Variants in PXYLP1 observed in about 807,000 individuals in gnomAD.
The protein encoded by PXYLP1 is acid phosphatase-like 2.
A neutral mutation model predicts 37.9 loss-of-function variants in PXYLP1; 17 were observed. That is an observed-to-expected ratio of 0.45 (90% CI 0.31 to 0.67). PXYLP1 has a LOEUF of 0.67. PXYLP1 is among the 30% of genes least tolerant of loss of function. PXYLP1 has a pLI of 0.07. For synonymous variants in PXYLP1, 221 were observed against 232.2 expected (o/e 0.95, Z 0.44); for missense variants, 511 against 612.0 (o/e 0.84, Z 1.74).
rs1388830485 is a variant in PXYLP1 at position 141,292,678 on chromosome 3, G to A, written c.916G>A (p.Val306Ile). ...CATGCTCTGCCACTTCTGCCACAATGTCAGCTTTCCCTGTACCAGAAATGG... is the reference window on the plus strand; with the variant it reads ...CATGCTCTGCCACTTCTGCCACAATATCAGCTTTCCCTGTACCAGAAATGG... ...DSMLCHFCHNVSFPCTRNGCV... is the reference protein window; with the variant it reads ...DSMLCHFCHNISFPCTRNGCV... The change falls in exon 6 of 6, where the codon GTC (valine) becomes ATC (isoleucine). Residue 306 changes from valine to isoleucine, a missense_variant. Physicochemically the swap from Val to Ile is conservative, Grantham distance 29 (BLOSUM62 3). Transcript: ENST00000286353. The surrounding 1 kb of genome is among the most constrained non-coding windows in gnomAD (Gnocchi z 4.3). 1 of 1,613,728 alleles carries A rather than the reference G, an allele frequency of 6.2e-7. No individual in the cohort carries two copies. The highest frequency in any genetic ancestry group is 2.2e-5 in the East Asian group (1 of 44,894).
Position 141,292,943 on chromosome 3 carries a change from C to T in PXYLP1, c.1181C>T (p.Ala394Val). 6.2e-7 allele frequency: 1 copy of T among 1,614,164 alleles called. No individual in the cohort carries two copies. The highest frequency in any genetic ancestry group is 8.5e-7 in the Non-Finnish European group (1 of 1,180,026). Residue 394 changes from alanine (A) to valine (V), a missense_variant, in exon 6 of 6, where the codon GCC becomes GTC. Ala to Val is a moderately conservative substitution (Grantham distance 64). Coordinates refer to ENST00000286353, the MANE Select transcript of PXYLP1 (RefSeq NM_001037172.3). This position sits in a 1 kb window ranked among gnomAD's most constrained non-coding sequence, Gnocchi z 4.3. Reference protein sequence around the residue: ...PVLSALGLSEARFPRFAARLI... With the variant: ...PVLSALGLSEVRFPRFAARLI... Reference sequence around the variant, plus strand: ...CTCAGTGCCTTGGGCCTTTCAGAAGCCAGGTTCCCAAGGTTTGCAGCCAGG... The same window carrying T: ...CTCAGTGCCTTGGGCCTTTCAGAAGTCAGGTTCCCAAGGTTTGCAGCCAGG...
chr3:141,264,065 G>A lies in PXYLP1; in HGVS notation c.79+3811G>A, dbSNP rs534414849. Among the ~76,000 whole-genome samples, 214 of 152,314 alleles carry A rather than the reference G, an allele frequency of 1.4e-3. 1 individual carries two copies. Among genetic ancestry groups the A allele is most frequent in the African/African-American group, 5.0e-3 (206 of 41,558 alleles). ...GGCCATGATGGGGTTAATTTATACT[G>A]AGCACATGGCACCCATATCTGGGGT... On this transcript the variant is annotated intron_variant, in intron 2 of 5. Transcript: ENST00000286353.
At chr3:141,253,424 A>G (rs918283829) in intron 1 of PXYLP1, among the ~76,000 whole-genome samples, 2 of 152,098 alleles carry the variant, frequency 1.3e-5, no homozygotes, top group African/African-American at 4.8e-5. Flanking sequence ...TTCACAACCC[A>G]ATACCTCCCC....
At chr3:141,283,279 G>T (rs1273796731) in intron 4 of PXYLP1, among the ~76,000 whole-genome samples, 3 of 151,976 alleles carry the variant, frequency 2.0e-5, no homozygotes, top group Non-Finnish European at 2.9e-5. Flanking sequence ...ACCCTGCCTG[G>T]CCTAGTCTGT....
In PXYLP1 at chr3:141,248,748, CGT is replaced by C. The variant is rs751773405; in HGVS notation, c.-53-11374_-53-11373del. 1.5e-4 allele frequency among the ~76,000 whole-genome samples: 4 copies of C among 27,314 alleles called. 1 individual carries two copies. The highest frequency in any genetic ancestry group is 1.9e-3 in the East Asian group (1 of 514). 17.9% of individuals were successfully genotyped at this position (27,314 alleles called of 152,430 possible). On this transcript the variant is annotated intron_variant, in intron 1 of 5. Coordinates refer to ENST00000286353, the MANE Select transcript of PXYLP1 (RefSeq NM_001037172.3). ...ATACACACACGTGTATATATACACACGTATATATATACACACACGTGTATATA... is the reference window on the plus strand; with the variant it reads ...ATACACACACGTGTATATATACACACATATATATACACACACGTGTATATA...
intron 2 of PXYLP1, chr3:141,273,085 G>T: frequency 1.0e-6 from 1 of 985,440 alleles, no homozygotes; most frequent in Non-Finnish European, 1.2e-6. Context: ...CCCCGTGCCT[G>T]AGAAGGCTAT....
chr3:141,253,175 G>C (rs1266366985), intron 1 of PXYLP1, among the ~76,000 whole-genome samples: 10 of 152,184 alleles, frequency 6.6e-5, no homozygotes, highest in Admixed American at 5.9e-4. Context: ...GTGAGAATCA[G>C]TGAGTGTGTT....
intron 1 of PXYLP1, among the ~76,000 whole-genome samples, chr3:141,242,069 C>G (rs1940815549): frequency 6.6e-6 from 1 of 152,230 alleles, no homozygotes; most frequent in African/African-American, 2.4e-5. Context: ...TGATGGAGCA[C>G]TTTCTTGGAG....
In PXYLP1 at chr3:141,278,346, C is replaced by T; in HGVS notation, c.84C>T (p.His28=). The T allele has an allele frequency of 2.5e-6, 4 of 1,614,198 alleles. No individual in the cohort carries two copies. The highest frequency in any genetic ancestry group is 2.2e-5 in the South Asian group (2 of 91,084). The change falls in exon 3 of 6, where the codon CAC becomes CAT. Residue 28 remains histidine (H), a synonymous_variant. Coordinates refer to ENST00000286353, the MANE Select transcript of PXYLP1 (RefSeq NM_001037172.3). Reference sequence around the variant, plus strand: ...ACCTGCCTTACTTCGTTTCAGTCCACCTGATCCCGGTGTCGACTCCTAAGA... The same window carrying T: ...ACCTGCCTTACTTCGTTTCAGTCCATCTGATCCCGGTGTCGACTCCTAAGA... The part of the protein sequence containing the change: ...AFVSLSLQFF[H]LIPVSTPKNG...
At position 141,293,010 on chromosome 3, in the gene PXYLP1, A is replaced by C; in HGVS notation, c.1248A>C (p.Glu416Asp). ...ELWQDREKPS[E>D]HSVRILYNGV... ...GGCAAGACAGAGAAAAGCCCAGTGAACATTCCGTCCGGATTCTTTACAATG... is the reference window on the plus strand; with the variant it reads ...GGCAAGACAGAGAAAAGCCCAGTGACCATTCCGTCCGGATTCTTTACAATG... The change falls in exon 6 of 6, where the codon GAA becomes GAC. Residue 416 changes from glutamate (E) to aspartate (D), a missense_variant. Physicochemically the swap from Glu to Asp is conservative, Grantham distance 45. Transcript: ENST00000286353. The C allele has an allele frequency of 6.2e-7, 1 of 1,614,214 alleles. No individual in the cohort carries two copies. Among genetic ancestry groups the C allele is most frequent in the Non-Finnish European group, 8.5e-7 (1 of 1,180,044 alleles).
intron 1 of PXYLP1, among the ~76,000 whole-genome samples, chr3:141,248,576 C>CGTGT (rs1559881408): frequency 2.0e-5 from 2 of 100,712 alleles, no homozygotes; most frequent in Admixed American, 1.0e-4. Context: ...TATATACACA[C>CGTGT]ATGTATATAT....
chr3:141,238,682 C>T (rs1334714905), intron 1 of PXYLP1, among the ~76,000 whole-genome samples: 3 of 151,696 alleles, frequency 2.0e-5, no homozygotes, highest in African/African-American at 7.3e-5. Context: ...ACTTTTAAAT[C>T]CCCAATATTG....
chr3:141,244,186 T>C (rs1940882097), intron 1 of PXYLP1, among the ~76,000 whole-genome samples: 2 of 152,254 alleles, frequency 1.3e-5, no homozygotes, highest in Admixed American at 1.3e-4. Context: ...TTGTTACTTT[T>C]ACAAATAGCA....
At chr3:141,238,630 T>C (rs939815973) in intron 1 of PXYLP1, among the ~76,000 whole-genome samples, 4 of 151,978 alleles carry the variant, frequency 2.6e-5, no homozygotes, top group Admixed American at 2.6e-4. Context: ...GGAGCACTGA[T>C]TCCCCCCACC....
rs765432614 is a variant in PXYLP1, at chr3:141,293,250, A to G, written c.*45A>G. ...TATAGAATCCATGCCAATACAGAGCATAGGGAAAGGTCCACTTCTAGTTTT... is the reference window on the plus strand; with the variant it reads ...TATAGAATCCATGCCAATACAGAGCGTAGGGAAAGGTCCACTTCTAGTTTT... On this transcript the variant is annotated 3_prime_UTR_variant, in exon 6 of 6. Transcript: ENST00000286353. The G allele has an allele frequency of 1.8e-5, 28 of 1,537,138 alleles. No individual in the cohort carries two copies. Among genetic ancestry groups the G allele is most frequent in the Non-Finnish European group, 2.4e-5 (27 of 1,135,494 alleles).
Position 141,292,972 on chromosome 3 carries a change from A to G in PXYLP1, c.1210A>G (p.Ile404Val), listed in dbSNP as rs901343846. The G allele has an allele frequency of 6.2e-7, 1 of 1,614,166 alleles. No individual in the cohort carries two copies. Among genetic ancestry groups the G allele is most frequent in the Non-Finnish European group, 8.5e-7 (1 of 1,180,030 alleles). Reference sequence around the variant, plus strand: ...GTTCCCAAGGTTTGCAGCCAGGTTGATCTTTGAGCTTTGGCAAGACAGAGA... The same window carrying G: ...GTTCCCAAGGTTTGCAGCCAGGTTGGTCTTTGAGCTTTGGCAAGACAGAGA... ...ARFPRFAARL[I>V]FELWQDREKP... Residue 404 changes from isoleucine (I) to valine (V), a missense_variant, in exon 6 of 6, where the codon ATC becomes GTC. Ile to Val is a conservative substitution (Grantham distance 29). Coordinates refer to ENST00000286353, the MANE Select transcript of PXYLP1 (RefSeq NM_001037172.3). The surrounding 1 kb of genome is among the most constrained non-coding windows in gnomAD (Gnocchi z 4.3).
In PXYLP1 at chr3:141,278,328, T is replaced by G; in HGVS notation, c.80-14T>G. Reference sequence around the variant, plus strand: ...CAGGAACTGTGCGTCACAACCTGCCTTACTTCGTTTCAGTCCACCTGATCC... The same window carrying G: ...CAGGAACTGTGCGTCACAACCTGCCGTACTTCGTTTCAGTCCACCTGATCC... On this transcript the variant is annotated splice_polypyrimidine_tract_variant and intron_variant, in intron 2 of 5. Coordinates refer to ENST00000286353, the MANE Select transcript of PXYLP1 (RefSeq NM_001037172.3). The G allele has an allele frequency of 1.2e-6, 2 of 1,614,062 alleles. No individual in the cohort carries two copies. The highest frequency in any genetic ancestry group is 8.5e-7 in the Non-Finnish European group (1 of 1,179,944).
chr3:141,273,363 G>A, intron 2 of PXYLP1: 6 of 985,456 alleles, frequency 6.1e-6, no homozygotes, highest in Non-Finnish European at 7.2e-6. Context: ...TCTACTGTCT[G>A]GCTGATGGTT....
chr3:141,260,282 T>A (rs1375354822), intron 2 of PXYLP1, 28 bp downstream of exon 2: 1 of 1,609,448 alleles, frequency 6.2e-7, no homozygotes, highest in Non-Finnish European at 8.5e-7. Flanking sequence ...CCGCAGGTCG[T>A]GGGAGGGTAG....
Sources: gnomAD v4.1 joint callset for allele counts (sites outside exome capture counted in the v4.1 genomes callset) on GRCh38, gnomAD v4.1.1 for gene constraint, Gnocchi (gnomAD v3.1) non-coding constraint, MANE v1.5 for transcripts, NCBI Gene and HGNC (gene_info 2026-07-23, HGNC 2026-07-21) for gene names.